The following BIRC6 variants were observed in gnomAD, a reference collection of about 807,000 sequenced individuals.
BIRC6 encodes the protein baculoviral IAP repeat containing 6.
A neutral mutation model predicts 503.3 loss-of-function variants in BIRC6; 98 were observed. The ratio of observed to expected loss-of-function variants is 0.19; its 90% CI spans 0.17 to 0.23. The LOEUF is 0.23. BIRC6 is among the 10% of genes least tolerant of loss of function. The pLI is 1.00. For synonymous variants in BIRC6, 2,240 were observed against 2,078.7 expected (o/e 1.08, Z -2.11); for missense variants, 5,360 against 5,806.0 (o/e 0.92, Z 2.50).
rs868784738 is a variant in BIRC6 at position 32,611,680 on chromosome 2, A to G, written c.14394+98A>G. ...AGAAGATAATGGGAGGGAGGGAATTAAAGAAACATAATATGTATTTTCAGT... is the reference window on the plus strand; with the variant it reads ...AGAAGATAATGGGAGGGAGGGAATTGAAGAAACATAATATGTATTTTCAGT... On this transcript the variant is annotated intron_variant, in intron 73 of 73. Transcript: ENST00000421745. 4.3e-6 allele frequency: 5 copies of G among 1,159,564 alleles called. No individual in the cohort carries two copies. The South Asian group carries it at 8.3e-5, about 19-fold the overall frequency. 71.8% of individuals were successfully genotyped at this position (1,159,564 alleles called of 1,614,324 possible). A position where few individuals can be genotyped will look rare whatever the true frequency, so the allele number is the denominator to read the frequency against.
intron 9 of BIRC6, 41 bp downstream of exon 9, chr2:32,406,598 T>C (rs1296127054): frequency 7.0e-7 from 1 of 1,419,930 alleles, no homozygotes; most frequent in African/African-American, 1.4e-5. Context: ...AAAAATTCTT[T>C]ACACAGTTGT....
chr2:32,473,295 T>G, intron 33 of BIRC6, 56 bp downstream of exon 33: 1 of 1,398,696 alleles, frequency 7.1e-7, no homozygotes, highest in South Asian at 1.4e-5. Context: ...TTTTGGAGTT[T>G]GCATGAGACA....
chr2:32,357,800 A>C lies in BIRC6; in HGVS notation c.325+314A>C, dbSNP rs917568949. Among the ~76,000 whole-genome samples the C allele has an allele frequency of 7.2e-5, 11 of 152,070 alleles. No individual in the cohort carries two copies. Among genetic ancestry groups the C allele is most frequent in the Non-Finnish European group, 4.4e-5 (3 of 67,982 alleles). On this transcript the variant is annotated intron_variant, in intron 1 of 73. Coordinates refer to ENST00000421745, the MANE Select transcript of BIRC6 (RefSeq NM_016252.4). This position sits in a 1 kb window ranked among gnomAD's most constrained non-coding sequence, Gnocchi z 4.9. ...GACCTTGGAGCTTGGCACCGGAGGA[A>C]GCGAGGCCCGGGTAGGCCCTGGAGA...
At chr2:32,613,518 T>G (rs1356738397) in intron 73 of BIRC6, among the ~76,000 whole-genome samples, 1 of 152,058 alleles carries the variant, frequency 6.6e-6, no homozygotes, top group East Asian at 1.9e-4. Flanking sequence ...GTATCTGGGA[T>G]TACAGTCACC....
In BIRC6 at chr2:32,499,643, T is replaced by C. The variant is rs751502031; in HGVS notation, c.8565T>C (p.Thr2855=). The change falls in exon 46 of 74, where the codon ACT becomes ACC. Residue 2855 remains threonine, a synonymous_variant. Coordinates refer to ENST00000421745, the MANE Select transcript of BIRC6 (RefSeq NM_016252.4). ...ATTTTGAAGTCGTTTCAGTTAGTAC[T>C]ATTTCTGCCGTGATAGAATCGGTTA... ...EQNFEVVSVS[T]ISAVIESVTF... 2 of 1,613,910 alleles carry C rather than the reference T, an allele frequency of 1.2e-6. No homozygotes were observed. The highest frequency in any genetic ancestry group is 1.7e-6 in the Non-Finnish European group (2 of 1,179,834).
At chr2:32,590,750 T>C in intron 66 of BIRC6, 1 of 971,642 alleles carries the variant, frequency 1.0e-6, no homozygotes, top group Non-Finnish European at 1.2e-6. Flanking sequence ...GGAAAATGTT[T>C]GCAGATAATT....
At chr2:32,383,148 G>C (rs1011685230) in intron 3 of BIRC6, among the ~76,000 whole-genome samples, 2 of 151,916 alleles carry the variant, frequency 1.3e-5, no homozygotes, top group Admixed American at 1.3e-4. Context: ...CTGGGTTCAG[G>C]TGGTTCTCCT....
chr2:32,422,934 G>A (rs2043093084), intron 10 of BIRC6, among the ~76,000 whole-genome samples: 2 of 152,092 alleles, frequency 1.3e-5, no homozygotes, highest in Admixed American at 1.3e-4. Context: ...TATGTAAGGG[G>A]CTCTCTATTT....
chr2:32,552,803 ATAAATAGTAGCCACTTAAAAAAT>A (rs572311208), intron 65 of BIRC6, among the ~76,000 whole-genome samples: 255 of 151,900 alleles, frequency 1.7e-3, no homozygotes, highest in African/African-American at 5.4e-3. Context: ...TCTCAAATAA[ATAAATAGTAGCCACTTAAAAAAT>A]TATTACTATT....
chr2:32,611,655 A>G, intron 73 of BIRC6, 73 bp downstream of exon 73: 1 of 1,335,418 alleles, frequency 7.5e-7, no homozygotes, highest in Non-Finnish European at 9.9e-7. Context: ...CATGCCTACC[A>G]GAAGATAATG....
At chr2:32,374,767 C>T (rs912334620) in intron 1 of BIRC6, among the ~76,000 whole-genome samples, 8 of 152,078 alleles carry the variant, frequency 5.3e-5, no homozygotes, top group Non-Finnish European at 7.4e-5. Flanking sequence ...CCACCGCGCC[C>T]GGCAATTTTT....
In BIRC6 at chr2:32,488,571, T is replaced by C; in HGVS notation, c.7969-17T>C. On this transcript the variant is annotated splice_polypyrimidine_tract_variant and intron_variant, in intron 41 of 73. Coordinates refer to ENST00000421745, the MANE Select transcript of BIRC6 (RefSeq NM_016252.4). ...AATAGGTACATTTTTCTCCTGTTGA[T>C]TTTCATTCTTTTTCAGTTGGAGTCA... 6.6e-7 allele frequency: 1 copy of C among 1,509,316 alleles called. No individual in the cohort carries two copies. The highest frequency in any genetic ancestry group is 8.9e-7 in the Non-Finnish European group (1 of 1,129,702). The allele number at this position is 1,509,316 out of a possible 1,614,324, so 93.5% of individuals were successfully genotyped here.
intron 3 of BIRC6, among the ~76,000 whole-genome samples, chr2:32,387,866 C>G (rs776775129): frequency 6.6e-6 from 1 of 152,004 alleles, no homozygotes; most frequent in Admixed American, 6.5e-5. Context: ...CTGTCTGGTT[C>G]TGAATTGTCT....
Position 32,441,445 on chromosome 2 carries a change from C to A in BIRC6, c.3927C>A (p.Thr1309=), listed in dbSNP as rs755444116. 2 of 1,609,210 alleles carry A rather than the reference C, an allele frequency of 1.2e-6. No homozygotes were observed. Among genetic ancestry groups the A allele is most frequent in the South Asian group, 1.1e-5 (1 of 90,336 alleles). Residue 1309 remains threonine (T), a synonymous_variant, in exon 17 of 74, where the codon ACC becomes ACA. Coordinates refer to ENST00000421745, the MANE Select transcript of BIRC6 (RefSeq NM_016252.4). ...TCACCATTCGAAGATTTAAGAAAAC[C>A]TCAATTTCTAAGGAAAGGTAATTTC... The part of the protein sequence containing the change: ...VSVTIRRFKK[T]SISKERVQRC...
intron 36 of BIRC6, 65 bp from the exon 37 acceptor site, chr2:32,479,397 T>A: frequency 7.0e-7 from 1 of 1,437,876 alleles, no homozygotes; most frequent in Non-Finnish European, 9.5e-7. Context: ...AGGAAAAAAA[T>A]GTGCTGTAAT....
At chr2:32,450,461 CA>C (rs377408462) in intron 22 of BIRC6, among the ~76,000 whole-genome samples, 34 of 145,332 alleles carry the variant, frequency 2.3e-4, no homozygotes, top group Admixed American at 3.4e-4. Context: ...GACTCCGCCT[CA>C]AAAAAAAAAA....
chr2:32,483,954 T>G (rs1476218465), intron 39 of BIRC6, among the ~76,000 whole-genome samples: 1 of 152,230 alleles, frequency 6.6e-6, no homozygotes, highest in Non-Finnish European at 1.5e-5. Flanking sequence ...AAAAATGTTT[T>G]GTTCTCATTG....
chr2:32,403,565 A>G (rs1008502142), intron 8 of BIRC6, among the ~76,000 whole-genome samples: 2 of 152,200 alleles, frequency 1.3e-5, no homozygotes, highest in East Asian at 1.9e-4. Flanking sequence ...TGTCATTTGT[A>G]TATCAGGTCA....
rs754128594 is a variant in BIRC6, at chr2:32,617,733, T to C, written c.14403T>C (p.Thr4801=). 9.9e-6 allele frequency: 16 copies of C among 1,613,732 alleles called. No homozygotes were observed. The East Asian group carries it at 3.6e-4, about 36-fold the overall frequency. Reference sequence around the variant, plus strand: ...CCTTTTCTCCTGCATAGCGTCACACTGCTCAGCTCCGCGAAGAGTTGCTGA... The same window carrying C: ...CCTTTTCTCCTGCATAGCGTCACACCGCTCAGCTCCGCGAAGAGTTGCTGA... ...SHHAAALKRH[T]AQLREELLKL... is the part of the protein sequence containing the mutation. The change falls in exon 74 of 74, where the codon ACT becomes ACC. Residue 4801 remains threonine (T), a synonymous_variant. Coordinates refer to ENST00000421745, the MANE Select transcript of BIRC6 (RefSeq NM_016252.4).
Sources: gnomAD v4.1 joint callset for allele counts (sites outside exome capture counted in the v4.1 genomes callset) on GRCh38, gnomAD v4.1.1 for gene constraint, Gnocchi (gnomAD v3.1) non-coding constraint, MANE v1.5 for transcripts, NCBI Gene and HGNC (gene_info 2026-07-23, HGNC 2026-07-21) for gene names.